Variants in SLC35F1 observed in about 807,000 individuals in gnomAD.
The protein encoded by SLC35F1 is solute carrier family 35 member F1.
In SLC35F1, 14 loss-of-function variants were observed where a neutral mutation model predicts 48.7. The observed-to-expected ratio is 0.29, with a 90% CI of 0.19 to 0.45. The LOEUF (loss-of-function observed/expected upper bound fraction) is 0.45, where lower values mean the gene tolerates loss of function less well. Among genes scored for constraint, SLC35F1 ranks in the 20% least tolerant of loss-of-function variants. The probability of loss-of-function intolerance (pLI) is 1.00; values close to 1 mark genes in which losing one functional copy is unlikely to be tolerated. For missense variants in SLC35F1, 404 were observed against 500.0 expected (o/e 0.81, Z 1.83); for synonymous variants, 190 against 202.2 (o/e 0.94, Z 0.51).
intron 1 of SLC35F1, among the ~76,000 whole-genome samples, chr6:117,946,271 A>G (rs1582578737): frequency 6.6e-6 from 1 of 152,180 alleles, no homozygotes; most frequent in Admixed American, 6.5e-5. Flanking sequence ...AAAAATTATT[A>G]TCTTAATAAC....
At chr6:118,104,865 G>A (rs904878544) in intron 1 of SLC35F1, among the ~76,000 whole-genome samples, 1 of 152,226 alleles carries the variant, frequency 6.6e-6, no homozygotes, top group Admixed American at 6.5e-5. Context: ...CCCCTCAGGT[G>A]TCTACTGTGA....
intron 2 of SLC35F1, among the ~76,000 whole-genome samples, chr6:118,176,875 TG>T (rs1774496998): frequency 6.9e-6 from 1 of 145,532 alleles, no homozygotes; most frequent in Non-Finnish European, 1.5e-5. Context: ...AATTTGTGCT[TG>T]TTTTTTTTGT....
At position 117,991,290 on chromosome 6, in the gene SLC35F1, GA is replaced by G. The variant is rs144270421; in HGVS notation, c.173+83401del. Among the ~76,000 whole-genome samples, 19 of 148,496 alleles carry G rather than the reference GA, an allele frequency of 1.3e-4. 1 individual carries two copies. The highest frequency in any genetic ancestry group is 6.4e-4 in the South Asian group (3 of 4,672). Reference sequence around the variant, plus strand: ...TTTTTTTAATTTTGAAGTTCTTTCAGAAAAAAAAAATACTGCCTCTGCTCTG... The same window carrying G: ...TTTTTTTAATTTTGAAGTTCTTTCAGAAAAAAAAATACTGCCTCTGCTCTG... On this transcript the variant is annotated intron_variant, in intron 1 of 7. Transcript: ENST00000360388.
intron 1 of SLC35F1, among the ~76,000 whole-genome samples, chr6:117,919,688 TG>T (rs1775871853): frequency 6.6e-6 from 1 of 152,298 alleles, no homozygotes; most frequent in Admixed American, 6.5e-5. Context: ...TATATATGTG[TG>T]CATATAAAGT....
intron 1 of SLC35F1, among the ~76,000 whole-genome samples, chr6:118,054,183 A>G (rs982737685): frequency 6.6e-6 from 1 of 152,064 alleles, no homozygotes; most frequent in Non-Finnish European, 1.5e-5. Flanking sequence ...TCTTATGGTC[A>G]TTATAACTTT....
rs1775864864 is a variant in SLC35F1 at position 117,919,165 on chromosome 6, G to A, written c.173+11266G>A. Among the ~76,000 whole-genome samples the A allele has an allele frequency of 2.0e-5, 3 of 152,228 alleles. 1 individual carries two copies. In the South Asian group the frequency reaches 6.2e-4, roughly 32 times the overall value. ...CCCACCTTGGACTCCCAGTGTGTTG[G>A]AATTACAGCCATGAGCCATCACACC... On this transcript the variant is annotated intron_variant, in intron 1 of 7. Coordinates refer to ENST00000360388, the MANE Select transcript of SLC35F1 (RefSeq NM_001029858.4).
intron 1 of SLC35F1, among the ~76,000 whole-genome samples, chr6:118,138,964 C>T (rs964379319): frequency 3.4e-5 from 4 of 119,318 alleles, no homozygotes; most frequent in African/African-American, 1.2e-4. Flanking sequence ...CCTTGTTTTT[C>T]AGCAGAAACA....
chr6:118,071,745 G>A (rs62431230), intron 1 of SLC35F1, among the ~76,000 whole-genome samples: 6,013 of 152,210 alleles, frequency 0.04, 186 homozygotes, highest in African/African-American at 0.08. Context: ...ATTTAAGAGC[G>A]TCTCCATTGT....
At chr6:118,207,669 C>A (rs1322320812) in intron 2 of SLC35F1, among the ~76,000 whole-genome samples, 4 of 152,136 alleles carry the variant, frequency 2.6e-5, no homozygotes, top group Admixed American at 2.6e-4. Context: ...TCCCAGGGAC[C>A]TAATAAACAC....
chr6:117,907,599 T>C lies in SLC35F1; in HGVS notation c.-128T>C. On this transcript the variant is annotated 5_prime_UTR_variant, in exon 1 of 8. Transcript: ENST00000360388. ...GCGGGTGCCTCCCCGCCTCACCGCT[T>C]CGCAGGCAGCACCGCCTCCCGGGCC... 2.1e-6 allele frequency: 1 copy of C among 471,090 alleles called. No individual in the cohort carries two copies. Among genetic ancestry groups the C allele is most frequent in the Non-Finnish European group, 3.5e-6 (1 of 284,556 alleles). The allele number at this position is 471,090 out of a possible 1,614,324, so 29.2% of individuals were successfully genotyped here.
chr6:118,113,925 T>C (rs1464824062), intron 1 of SLC35F1, among the ~76,000 whole-genome samples: 1 of 152,234 alleles, frequency 6.6e-6, no homozygotes, highest in Non-Finnish European at 1.5e-5. Flanking sequence ...GCCAGTGTCA[T>C]CTGTTAAATG....
chr6:117,972,603 A>G (rs528794596), intron 1 of SLC35F1, among the ~76,000 whole-genome samples: 7 of 152,324 alleles, frequency 4.6e-5, no homozygotes, highest in South Asian at 4.2e-4. Flanking sequence ...GGAGGAGCAA[A>G]GACACATCTT....
chr6:118,090,182 A>T (rs1562286694), intron 1 of SLC35F1, among the ~76,000 whole-genome samples: 1 of 152,198 alleles, frequency 6.6e-6, no homozygotes, highest in Non-Finnish European at 1.5e-5. Flanking sequence ...ATTTTGGAAG[A>T]GCTTTGGCAT....
intron 2 of SLC35F1, among the ~76,000 whole-genome samples, chr6:118,200,159 T>TATACATAC (rs71012386): frequency 2.0e-3 from 288 of 147,294 alleles, no homozygotes; most frequent in South Asian, 2.4e-3. Context: ...TACATACATA[T>TATACATAC]ATACATACAT....
At chr6:118,278,516 C>T (rs1775944736) in intron 6 of SLC35F1, among the ~76,000 whole-genome samples, 2 of 152,238 alleles carry the variant, frequency 1.3e-5, no homozygotes, top group South Asian at 4.1e-4. Context: ...ATCATTCCCT[C>T]TGAAGGCACA....
chr6:118,009,866 C>T (rs1777222345), intron 1 of SLC35F1, among the ~76,000 whole-genome samples: 1 of 152,090 alleles, frequency 6.6e-6, no homozygotes, highest in Non-Finnish European at 1.5e-5. Context: ...CCACCTATGC[C>T]TACTTAAGAA....
chr6:118,199,773 T>A (rs1774849649), intron 2 of SLC35F1, among the ~76,000 whole-genome samples: 1 of 152,208 alleles, frequency 6.6e-6, no homozygotes, highest in Admixed American at 6.5e-5. Context: ...CTGTGAGTTT[T>A]CTACATGTGA....
chr6:118,275,394 G>T, intron 4 of SLC35F1, 65 bp from the exon 5 acceptor site: 1 of 1,527,144 alleles, frequency 6.5e-7, no homozygotes. Context: ...ATTTGCCGAT[G>T]CCAGATTCTT....
chr6:118,083,609 C>G (rs928933099), intron 1 of SLC35F1, among the ~76,000 whole-genome samples: 3 of 152,316 alleles, frequency 2.0e-5, no homozygotes, highest in East Asian at 1.9e-4. Context: ...TCTCATGTCA[C>G]TATTATGAAG....
Sources: allele counts gnomAD v4.1 joint callset (sites outside exome capture counted in the v4.1 genomes callset), GRCh38; gene constraint gnomAD v4.1.1; transcripts MANE v1.5; gene names NCBI Gene and HGNC (gene_info 2026-07-23, HGNC 2026-07-21).